The following USP6NL variants were observed in gnomAD, a reference collection of about 807,000 sequenced individuals.
USP6NL encodes USP6 N-terminal like.
A neutral mutation model predicts 61.9 loss-of-function variants in USP6NL; 26 were observed. The observed-to-expected ratio is 0.42, with a 90% CI of 0.31 to 0.58. USP6NL has a LOEUF of 0.58. USP6NL is among the 20% of genes least tolerant of loss of function. The pLI, the probability that USP6NL is intolerant of heterozygous loss-of-function variation, is 0.16. For missense variants in USP6NL, 1,114 were observed against 1,034.3 expected (o/e 1.08, Z -1.06); for synonymous variants, 432 against 390.1 (o/e 1.11, Z -1.27).
rs1838165474 is a variant in USP6NL, at chr10:11,591,812, A to G, written c.4+5819T>C. Among the ~76,000 whole-genome samples, 1 of 152,214 alleles carries G rather than the reference A, an allele frequency of 6.6e-6. No individual in the cohort carries two copies. Among genetic ancestry groups the G allele is most frequent in the African/African-American group, 2.4e-5 (1 of 41,460 alleles). On this transcript the variant is annotated intron_variant, in intron 2 of 14. Coordinates refer to ENST00000609104, the MANE Select transcript of USP6NL (RefSeq NM_014688.5). This position sits in a 1 kb window ranked among gnomAD's most constrained non-coding sequence, Gnocchi z 4.7. ...TAAACCACCTCCCAAAAAATTTTTA[A>G]CTTAAATATATAAGACTATATTAAA...
intron 2 of USP6NL, among the ~76,000 whole-genome samples, chr10:11,593,531 T>C (rs984023544): frequency 6.6e-6 from 1 of 152,144 alleles, no homozygotes; most frequent in Admixed American, 6.6e-5. Flanking sequence ...GTGTGATAAA[T>C]GTTAATATGC....
intron 2 of USP6NL, among the ~76,000 whole-genome samples, chr10:11,588,902 TAG>T (rs1838068325): frequency 1.3e-5 from 2 of 152,202 alleles, no homozygotes; most frequent in Non-Finnish European, 2.9e-5. Context: ...ATAGTAGAAG[TAG>T]AGTTTTTCTC....
intron 2 of USP6NL, chr10:11,564,337 T>C (rs915816196): frequency 6.6e-6 from 1 of 152,224 alleles, no homozygotes; most frequent in African/African-American, 2.4e-5. Context: ...GCAAACCTAA[T>C]TGCTCTCTAG....
rs1475961557 is a variant in USP6NL, at chr10:11,476,923, G to A, written c.1078+4847C>T. Among the ~76,000 whole-genome samples, 1 of 152,174 alleles carries A rather than the reference G, an allele frequency of 6.6e-6. No individual in the cohort carries two copies. The highest frequency in any genetic ancestry group is 2.4e-5 in the African/African-American group (1 of 41,442). ...GTCTTGCTCTGTCACCCAGGCTGAA[G>A]TGCAGTGGTGCGATCTTGACTCACT... On this transcript the variant is annotated intron_variant, in intron 14 of 14. Coordinates refer to ENST00000609104, the MANE Select transcript of USP6NL (RefSeq NM_014688.5). This position sits in a 1 kb window ranked among gnomAD's most constrained non-coding sequence, Gnocchi z 4.3.
chr10:11,527,606 A>G (rs759288716), intron 2 of USP6NL, 39 bp from the exon 3 acceptor site: 10 of 1,531,084 alleles, frequency 6.5e-6, no homozygotes, highest in Non-Finnish European at 8.9e-6. Flanking sequence ...ATTGTCATTG[A>G]AAGAATCGTA....
chr10:11,497,847 C>G (rs974527963), intron 7 of USP6NL, among the ~76,000 whole-genome samples: 1 of 152,070 alleles, frequency 6.6e-6, no homozygotes, highest in Non-Finnish European at 1.5e-5. Flanking sequence ...ATGAGCGTCA[C>G]AGTAATATAA....
In USP6NL at chr10:11,532,455, G is replaced by A. The variant is rs1010258897; in HGVS notation, c.5-4888C>T. ...AAAAAAACCTTGCTGTGGTTACACA[G>A]ACTATATATTTTCAAACAAAGCTGA... On this transcript the variant is annotated intron_variant, in intron 2 of 14. Coordinates refer to ENST00000609104, the MANE Select transcript of USP6NL (RefSeq NM_014688.5). The surrounding 1 kb of genome is among the most constrained non-coding windows in gnomAD (Gnocchi z 4.1). Among the ~76,000 whole-genome samples, 3 of 152,194 alleles carry A rather than the reference G, an allele frequency of 2.0e-5. No homozygotes were observed. The highest frequency in any genetic ancestry group is 7.2e-5 in the African/African-American group (3 of 41,438).
intron 2 of USP6NL, among the ~76,000 whole-genome samples, chr10:11,556,637 C>T (rs918506888): frequency 6.6e-5 from 10 of 152,004 alleles, no homozygotes; most frequent in African/African-American, 1.9e-4. Flanking sequence ...GTACTTATCT[C>T]GGACAAAGCC....
At chr10:11,542,907 T>A (rs1319137462) in intron 2 of USP6NL, among the ~76,000 whole-genome samples, 1 of 152,086 alleles carries the variant, frequency 6.6e-6, no homozygotes, top group Non-Finnish European at 1.5e-5. Context: ...CATGTCTCCG[T>A]CACCTCCTTT....
chr10:11,558,166 T>C lies in USP6NL; in HGVS notation c.5-30599A>G, dbSNP rs1339146659. Among the ~76,000 whole-genome samples, 8 of 152,144 alleles carry C rather than the reference T, an allele frequency of 5.3e-5. 1 individual carries two copies. The highest frequency in any genetic ancestry group is 5.2e-4 in the Admixed American group (8 of 15,270). ...CAGGTGGTACCAAAACAGTGACAGG[T>C]GGCTCCCAAACAACTTTGGAGCCCT... On this transcript the variant is annotated intron_variant, in intron 2 of 14. Transcript: ENST00000609104.
In USP6NL at chr10:11,482,892, C is replaced by T. The variant is rs984521481; in HGVS notation, c.926-970G>A. ...TTGGCTAATGACAAATTGTATATAT[C>T]TGTGGTAGACAATGTTTTGATATAT... On this transcript the variant is annotated intron_variant, in intron 13 of 14. Coordinates refer to ENST00000609104, the MANE Select transcript of USP6NL (RefSeq NM_014688.5). This position sits in a 1 kb window ranked among gnomAD's most constrained non-coding sequence, Gnocchi z 4.0. Among the ~76,000 whole-genome samples the T allele has an allele frequency of 4.5e-4, 68 of 152,002 alleles. No individual in the cohort carries two copies. The highest frequency in any genetic ancestry group is 1.5e-3 in the African/African-American group (64 of 41,366).
At position 11,553,821 on chromosome 10, in the gene USP6NL, G is replaced by A. The variant is rs549673739; in HGVS notation, c.5-26254C>T. ...TCAGGCAAGAGAACTGCTTGAACCC[G>A]GGAGGCAGAGGATGCAGTGAGCCGA... On this transcript the variant is annotated intron_variant, in intron 2 of 14. Coordinates refer to ENST00000609104, the MANE Select transcript of USP6NL (RefSeq NM_014688.5). The surrounding 1 kb of genome is among the most constrained non-coding windows in gnomAD (Gnocchi z 4.8). Among the ~76,000 whole-genome samples, 34 of 151,912 alleles carry A rather than the reference G, an allele frequency of 2.2e-4. No individual in the cohort carries two copies. Among genetic ancestry groups the A allele is most frequent in the African/African-American group, 6.8e-4 (28 of 41,390 alleles).
In USP6NL at chr10:11,490,056, C is replaced by A. The variant is rs998207624; in HGVS notation, c.543+776G>T. ...AGGTGCAGCTTTCCTTCTCACCAGA[C>A]GCTTCCCACCTTCCAGCTCCAATTC... On this transcript the variant is annotated intron_variant, in intron 9 of 14. Coordinates refer to ENST00000609104, the MANE Select transcript of USP6NL (RefSeq NM_014688.5). This position sits in a 1 kb window ranked among gnomAD's most constrained non-coding sequence, Gnocchi z 4.5. Among the ~76,000 whole-genome samples the A allele has an allele frequency of 6.6e-6, 1 of 152,198 alleles. No individual in the cohort carries two copies. The highest frequency in any genetic ancestry group is 6.5e-5 in the Admixed American group (1 of 15,286).
rs1369633461 is a variant in USP6NL, at chr10:11,526,040, C to T, written c.73-572G>A. Among the ~76,000 whole-genome samples the T allele has an allele frequency of 2.6e-5, 4 of 151,638 alleles. No homozygotes were observed. The East Asian group carries it at 5.9e-4, about 22-fold the overall frequency. On this transcript the variant is annotated intron_variant, in intron 3 of 14. Transcript: ENST00000609104. ...ATCTCTGAAGCGTACTTGTCAGTGTCGCTCACTCCCTCTTCCCAACTCCTG... is the reference window on the plus strand; with the variant it reads ...ATCTCTGAAGCGTACTTGTCAGTGTTGCTCACTCCCTCTTCCCAACTCCTG...
Position 11,485,126 on chromosome 10 carries a change from G to C in USP6NL, c.825+43C>G. On this transcript the variant is annotated intron_variant, in intron 12 of 14. Coordinates refer to ENST00000609104, the MANE Select transcript of USP6NL (RefSeq NM_014688.5). The surrounding 1 kb of genome is among the most constrained non-coding windows in gnomAD (Gnocchi z 4.8). ...AGGGTTAACAGCTTCCCCTCACCTT[G>C]TATTTATAATTTTATGACTGAGTTT... 6.5e-7 allele frequency: 1 copy of C among 1,536,200 alleles called. No homozygotes were observed. Among genetic ancestry groups the C allele is most frequent in the Non-Finnish European group, 8.8e-7 (1 of 1,140,880 alleles).
chr10:11,474,757 ATTAAG>A lies in USP6NL; in HGVS notation c.1078+7008_1078+7012del, dbSNP rs1302376508. ...CTACTGCAAAGGGCTGCTGGAAAAA[ATTAAG>A]TTAATATGTGAATTCAAAGCATTTA... On this transcript the variant is annotated intron_variant, in intron 14 of 14. Coordinates refer to ENST00000609104, the MANE Select transcript of USP6NL (RefSeq NM_014688.5). The surrounding 1 kb of genome is among the most constrained non-coding windows in gnomAD (Gnocchi z 4.9). Among the ~76,000 whole-genome samples, 3 of 152,114 alleles carry A rather than the reference ATTAAG, an allele frequency of 2.0e-5. No individual in the cohort carries two copies. The highest frequency in any genetic ancestry group is 1.9e-4 in the East Asian group (1 of 5,196).
intron 14 of USP6NL, among the ~76,000 whole-genome samples, chr10:11,473,951 G>A (rs1031074715): frequency 1.6e-4 from 25 of 152,094 alleles, no homozygotes; most frequent in African/African-American, 6.0e-4. Context: ...TGGGCGACGA[G>A]GGTCTAAGGA....
intron 2 of USP6NL, among the ~76,000 whole-genome samples, chr10:11,551,263 T>C (rs1319424565): frequency 6.6e-6 from 1 of 152,190 alleles, no homozygotes; most frequent in Non-Finnish European, 1.5e-5. Flanking sequence ...AATTCATACT[T>C]TGGAATACTA....
intron 5 of USP6NL, among the ~76,000 whole-genome samples, chr10:11,516,147 C>G (rs551480386): frequency 6.6e-6 from 1 of 152,178 alleles, no homozygotes; most frequent in East Asian, 1.9e-4. Context: ...TGGGGGAAAC[C>G]AAAGCACTTA....
Sources: allele counts gnomAD v4.1 joint callset (sites outside exome capture counted in the v4.1 genomes callset), GRCh38; gene constraint gnomAD v4.1.1; non-coding constraint Gnocchi (gnomAD v3.1); transcripts MANE v1.5; gene names NCBI Gene and HGNC (gene_info 2026-07-23, HGNC 2026-07-21).